Variants in SLC4A10 observed in about 807,000 individuals in gnomAD.
SLC4A10 encodes sodium-driven chloride bicarbonate exchanger.
SLC4A10 carries 42 observed loss-of-function variants against 137.7 expected under a neutral mutation model. The ratio of observed to expected loss-of-function variants is 0.30; its 90% CI spans 0.24 to 0.39. The LOEUF (loss-of-function observed/expected upper bound fraction) is 0.39. Ranked by LOEUF, SLC4A10 falls within the 10% of genes least tolerant of loss-of-function variation. SLC4A10 has a pLI of 1.00. For synonymous variants in SLC4A10, 474 were observed against 464.1 expected (o/e 1.02, Z -0.27); for missense variants, 925 against 1,355.0 (o/e 0.68, Z 4.98).
chr2:161,805,260 G>C (rs945511874), intron 3 of SLC4A10, among the ~76,000 whole-genome samples: 2 of 152,000 alleles, frequency 1.3e-5, no homozygotes, highest in Admixed American at 6.6e-5. Flanking sequence ...ACTCCCACTG[G>C]GTCCCTCCCA....
At chr2:161,903,778 G>A (rs957520606) in intron 12 of SLC4A10, among the ~76,000 whole-genome samples, 20 of 152,042 alleles carry the variant, frequency 1.3e-4, no homozygotes, top group Non-Finnish European at 2.6e-4. Context: ...AGAGAACCTG[G>A]GATTTTTGGT....
At chr2:161,873,347 T>C (rs887234173) in intron 7 of SLC4A10, among the ~76,000 whole-genome samples, 3 of 151,918 alleles carry the variant, frequency 2.0e-5, no homozygotes, top group Non-Finnish European at 4.4e-5. Flanking sequence ...TTGCAAGCTA[T>C]GGCAAAGTAA....
intron 26 of SLC4A10, among the ~76,000 whole-genome samples, chr2:161,982,272 G>T (rs1348829390): frequency 6.6e-6 from 1 of 152,156 alleles, no homozygotes; most frequent in Non-Finnish European, 1.5e-5. Flanking sequence ...GGAGGGTTTT[G>T]CTGTGTGCTG....
chr2:161,697,486 G>A (rs888055387), intron 1 of SLC4A10, among the ~76,000 whole-genome samples: 1 of 151,980 alleles, frequency 6.6e-6, no homozygotes, highest in African/African-American at 2.4e-5. Flanking sequence ...TTTTGTACAA[G>A]GTGTAAGGAA....
At chr2:161,957,885 A>AT (rs1327317630) in intron 20 of SLC4A10, among the ~76,000 whole-genome samples, 2 of 152,180 alleles carry the variant, frequency 1.3e-5, no homozygotes, top group Non-Finnish European at 2.9e-5. Context: ...ATAATTTGAC[A>AT]TTTTAATTAA....
rs770656528 is a variant in SLC4A10, at chr2:161,947,735, G to A, written c.2265+8G>A. On this transcript the variant is annotated splice_region_variant and intron_variant, in intron 17 of 26. Coordinates refer to ENST00000446997, the MANE Select transcript of SLC4A10 (RefSeq NM_001178015.2). ...AGATATTTTCCAACCAAGGTACTTA[G>A]ACTATTTCTTGATCTAAATGTAAAA... The A allele has an allele frequency of 7.2e-5, 116 of 1,608,560 alleles. No individual in the cohort carries two copies. The highest frequency in any genetic ancestry group is 2.4e-4 in the Admixed American group (14 of 58,922).
chr2:161,906,460 T>C (rs1402797405), intron 15 of SLC4A10, among the ~76,000 whole-genome samples: 3 of 152,194 alleles, frequency 2.0e-5, no homozygotes, highest in Non-Finnish European at 1.5e-5. Context: ...GGATTGAAGA[T>C]GTGATTGGAT....
intron 5 of SLC4A10, 97 bp downstream of exon 5, chr2:161,855,227 C>A: frequency 8.5e-7 from 1 of 1,180,984 alleles, no homozygotes; most frequent in East Asian, 2.5e-5. Context: ...CTTTGGAAAA[C>A]TAATTCTCAT....
chr2:161,702,346 T>C (rs1021320590), intron 1 of SLC4A10, among the ~76,000 whole-genome samples: 23 of 151,946 alleles, frequency 1.5e-4, no homozygotes, highest in Admixed American at 8.5e-4. Flanking sequence ...ACTTAAGGGA[T>C]TATTATTTCA....
intron 15 of SLC4A10, among the ~76,000 whole-genome samples, chr2:161,908,499 A>G (rs1425812066): frequency 6.7e-6 from 1 of 149,682 alleles, no homozygotes; most frequent in Non-Finnish European, 1.5e-5. Context: ...TGACGAGTTG[A>G]TGGGTGCAGC....
intron 5 of SLC4A10, among the ~76,000 whole-genome samples, chr2:161,860,926 G>T (rs1038101567): frequency 3.3e-5 from 5 of 152,170 alleles, no homozygotes; most frequent in African/African-American, 9.6e-5. Context: ...TAATAAAAAA[G>T]AAGTTAATAT....
chr2:161,787,051 A>G (rs2053706035), intron 2 of SLC4A10, among the ~76,000 whole-genome samples: 1 of 152,058 alleles, frequency 6.6e-6, no homozygotes, highest in Non-Finnish European at 1.5e-5. Context: ...TTTATGACAA[A>G]GAGTATTGTC....
At chr2:161,914,054 C>T (rs1686517943) in intron 15 of SLC4A10, among the ~76,000 whole-genome samples, 1 of 152,134 alleles carries the variant, frequency 6.6e-6, no homozygotes, top group Admixed American at 6.5e-5. Flanking sequence ...GTGGAAGAAA[C>T]ATTTCCCTTT....
At chr2:161,670,886 T>C (rs1004203115) in intron 1 of SLC4A10, among the ~76,000 whole-genome samples, 2 of 152,112 alleles carry the variant, frequency 1.3e-5, no homozygotes, top group Admixed American at 6.6e-5. Flanking sequence ...GTATAAGATA[T>C]CGCTTCCTTC....
intron 10 of SLC4A10, among the ~76,000 whole-genome samples, chr2:161,884,265 G>A (rs1283201655): frequency 2.6e-5 from 4 of 152,008 alleles, no homozygotes; most frequent in Non-Finnish European, 1.5e-5. Context: ...AGAAATTAGG[G>A]CAATATTTTA....
chr2:161,793,353 T>G (rs1237947661), intron 2 of SLC4A10, among the ~76,000 whole-genome samples: 2 of 152,148 alleles, frequency 1.3e-5, no homozygotes, highest in Non-Finnish European at 2.9e-5. Flanking sequence ...TATTAACTAT[T>G]GTCACTATGC....
At chr2:161,760,206 C>T (rs1181279970) in intron 1 of SLC4A10, among the ~76,000 whole-genome samples, 2 of 151,836 alleles carry the variant, frequency 1.3e-5, no homozygotes, top group Admixed American at 6.6e-5. Context: ...CTCATGTTAA[C>T]CTCCATCTCT....
chr2:161,624,840 AG>A (rs2105359468), intron 1 of SLC4A10, among the ~76,000 whole-genome samples: 1 of 152,124 alleles, frequency 6.6e-6, no homozygotes, highest in South Asian at 2.1e-4. Flanking sequence ...TTTTAGCAGC[AG>A]GGGCAGTTAC....
At chr2:161,715,141 A>G (rs939551072) in intron 1 of SLC4A10, among the ~76,000 whole-genome samples, 1 of 152,006 alleles carries the variant, frequency 6.6e-6, no homozygotes, top group African/African-American at 2.4e-5. Context: ...TTGCCTGCAA[A>G]GGATAGGACA....
Sources: allele counts gnomAD v4.1 joint callset (sites outside exome capture counted in the v4.1 genomes callset), GRCh38; gene constraint gnomAD v4.1.1; transcripts MANE v1.5; gene names NCBI Gene and HGNC (gene_info 2026-07-23, HGNC 2026-07-21).